Variants in GPR39 observed in about 807,000 individuals in gnomAD.
GPR39 encodes zinc sensing receptor.
A neutral mutation model predicts 18.4 loss-of-function variants in GPR39; 23 were observed. The ratio of observed to expected loss-of-function variants is 1.25; its 90% CI spans 0.90 to 1.77. The LOEUF (loss-of-function observed/expected upper bound fraction) is 1.77. GPR39 is among the 40% of genes most tolerant of loss of function. The pLI is 0.00. For missense variants in GPR39, 647 were observed against 602.4 expected (o/e 1.07, Z -0.78); for synonymous variants, 280 against 257.9 (o/e 1.09, Z -0.82).
intron 1 of GPR39, among the ~76,000 whole-genome samples, chr2:132,576,938 G>T (rs570514496): frequency 2.6e-4 from 39 of 151,986 alleles, no homozygotes; most frequent in Admixed American, 1.8e-3. Flanking sequence ...GTTTGAATTT[G>T]TTTTCCTTAT....
At chr2:132,560,800 A>C (rs147987084) in intron 1 of GPR39, among the ~76,000 whole-genome samples, 3 of 150,836 alleles carry the variant, frequency 2.0e-5, no homozygotes, top group African/African-American at 7.3e-5. Flanking sequence ...GAAGTGAGCC[A>C]CTCTTTCTAT....
intron 1 of GPR39, among the ~76,000 whole-genome samples, chr2:132,598,097 C>G (rs1297985711): frequency 6.6e-6 from 1 of 152,236 alleles, no homozygotes; most frequent in Non-Finnish European, 1.5e-5. Flanking sequence ...AAAGCAAGGG[C>G]AGCCTGATTT....
intron 1 of GPR39, among the ~76,000 whole-genome samples, chr2:132,493,863 G>C (rs1681582749): frequency 6.6e-6 from 1 of 152,034 alleles, no homozygotes; most frequent in Non-Finnish European, 1.5e-5. Flanking sequence ...CACCAGGAGA[G>C]AATGTCAAGT....
At chr2:132,509,684 A>G (rs1338619419) in intron 1 of GPR39, among the ~76,000 whole-genome samples, 1 of 152,150 alleles carries the variant, frequency 6.6e-6, no homozygotes, top group Non-Finnish European at 1.5e-5. Context: ...CCCCTGCCTC[A>G]CAGAACTGGC....
Position 132,646,350 on chromosome 2 carries a change from A to G in GPR39, c.*744A>G, listed in dbSNP as rs1326064946. The stretch of plus-strand genomic sequence containing the variant: ...AAGAATAGCTGTCCCTCTCAGCCCA[A>G]ATCCAAACGGACAGCTCTTCCTTAC... On this transcript the variant is annotated 3_prime_UTR_variant, in exon 2 of 2. Transcript: ENST00000329321. The G allele has an allele frequency of 9.2e-7, 1 of 1,089,196 alleles. No homozygotes were observed. The highest frequency in any genetic ancestry group is 1.2e-6 in the Non-Finnish European group (1 of 805,368). The allele number at this position is 1,089,196 out of a possible 1,614,324, so 67.5% of individuals were successfully genotyped here. A position where few individuals can be genotyped will look rare whatever the true frequency, so the allele number is the denominator to read the frequency against.
intron 1 of GPR39, among the ~76,000 whole-genome samples, chr2:132,546,698 C>T (rs1679955333): frequency 6.6e-6 from 1 of 151,668 alleles, no homozygotes; most frequent in South Asian, 2.1e-4. Context: ...AAACTCGGTC[C>T]AGCCCAGTCA....
At chr2:132,602,940 A>G (rs1361824882) in intron 1 of GPR39, among the ~76,000 whole-genome samples, 2 of 151,938 alleles carry the variant, frequency 1.3e-5, no homozygotes, top group African/African-American at 4.8e-5. Flanking sequence ...GTTGGTGATC[A>G]TGTAAATTAG....
intron 1 of GPR39, among the ~76,000 whole-genome samples, chr2:132,438,634 G>A (rs3748860): frequency 0.12 from 16,356 of 136,630 alleles, 986 homozygotes; most frequent in Middle Eastern, 0.24. Context: ...AAAAATATGC[G>A]ACAGTACTAT....
rs181762863 is a variant in GPR39, at chr2:132,585,733, G to T, written c.857-59368G>T. On this transcript the variant is annotated intron_variant, in intron 1 of 1. Transcript: ENST00000329321. ...TGCGAACTGCTGGGGTTCTCGGAGG[G>T]CCGGACAGCCCGGTGTTTTCTAATA... is the stretch of plus-strand genomic sequence containing the variant. Among the ~76,000 whole-genome samples the T allele has an allele frequency of 3.2e-3, 484 of 152,110 alleles. 3 individuals are homozygous for T. The highest frequency in any genetic ancestry group is 0.011 in the African/African-American group (456 of 41,512).
intron 1 of GPR39, among the ~76,000 whole-genome samples, chr2:132,619,962 G>A (rs2104858638): frequency 6.6e-6 from 1 of 152,136 alleles, no homozygotes; most frequent in East Asian, 1.9e-4. Flanking sequence ...CTGCTCACCA[G>A]CCCCTTCACC....
At chr2:132,495,829 C>T (rs1301589740) in intron 1 of GPR39, among the ~76,000 whole-genome samples, 1 of 151,998 alleles carries the variant, frequency 6.6e-6, no homozygotes, top group African/African-American at 2.4e-5. Flanking sequence ...CCCCTTCTCA[C>T]CCCTCCCCTT....
chr2:132,494,761 T>C (rs1304812488), intron 1 of GPR39, among the ~76,000 whole-genome samples: 2 of 152,338 alleles, frequency 1.3e-5, no homozygotes, highest in East Asian at 3.9e-4. Context: ...CCTCATCTTA[T>C]TTTCCATTTA....
intron 1 of GPR39, among the ~76,000 whole-genome samples, chr2:132,517,952 T>G (rs1197503582): frequency 6.6e-6 from 1 of 152,228 alleles, no homozygotes; most frequent in African/African-American, 2.4e-5. Context: ...CATAGGGGCT[T>G]TTTTTCCTTT....
chr2:132,436,585 G>A (rs1245746854), intron 1 of GPR39, among the ~76,000 whole-genome samples: 1 of 152,164 alleles, frequency 6.6e-6, no homozygotes, highest in African/African-American at 2.4e-5. Flanking sequence ...TCTGTGAGGT[G>A]CTCTCAGCAC....
intron 1 of GPR39, among the ~76,000 whole-genome samples, chr2:132,502,730 A>G (rs1455991527): frequency 1.3e-5 from 2 of 152,194 alleles, no homozygotes; most frequent in African/African-American, 4.8e-5. Context: ...GACATTTAAC[A>G]TAGTCCCAAA....
chr2:132,574,922 C>T (rs1274130271), intron 1 of GPR39, among the ~76,000 whole-genome samples: 2 of 152,148 alleles, frequency 1.3e-5, no homozygotes, highest in Admixed American at 1.3e-4. Context: ...GTTTCCTCTC[C>T]AGTCTTGCCC....
At chr2:132,570,083 G>A (rs1346184691) in intron 1 of GPR39, among the ~76,000 whole-genome samples, 1 of 152,180 alleles carries the variant, frequency 6.6e-6, no homozygotes, top group African/African-American at 2.4e-5. Flanking sequence ...ATGGTCTCCA[G>A]TTGGCCCTGA....
At chr2:132,640,211 T>A (rs1681835645) in intron 1 of GPR39, among the ~76,000 whole-genome samples, 1 of 152,218 alleles carries the variant, frequency 6.6e-6, no homozygotes, top group African/African-American at 2.4e-5. Context: ...AATGCCACCA[T>A]GTCCCAGCCT....
chr2:132,483,083 A>C (rs1681264953), intron 1 of GPR39, among the ~76,000 whole-genome samples: 1 of 152,204 alleles, frequency 6.6e-6, no homozygotes, highest in African/African-American at 2.4e-5. Flanking sequence ...CAAGTTTCTT[A>C]AGCCCTTTGT....
Sources: allele counts gnomAD v4.1 joint callset (sites outside exome capture counted in the v4.1 genomes callset), GRCh38; gene constraint gnomAD v4.1.1; transcripts MANE v1.5; gene names NCBI Gene and HGNC (gene_info 2026-07-23, HGNC 2026-07-21).